Variants in MAF observed in about 807,000 individuals in gnomAD.
MAF encodes the protein transcription factor Maf.
Under a neutral mutation model 22.0 loss-of-function variants are expected in MAF, and 10 were observed. That is an observed-to-expected ratio of 0.45 (90% CI 0.28 to 0.77). The LOEUF (loss-of-function observed/expected upper bound fraction) is 0.77. MAF is among the 30% of genes least tolerant of loss of function. The probability of loss-of-function intolerance (pLI) is 0.12; values close to 1 mark genes in which losing one functional copy is unlikely to be tolerated. For missense variants in MAF, 544 were observed against 548.4 expected, an observed-to-expected ratio of 0.99 and a Z score of 0.08; for synonymous variants, 337 against 255.8, an observed-to-expected ratio of 1.32 and a Z score of -3.03.
At chr16:79,545,504 C>G in the MAF span, among the ~76,000 whole-genome samples, 1 of 146,294 alleles carries the variant, frequency 6.8e-6, no homozygotes, top group South Asian at 2.3e-4. Context: ...ATGCAGAATT[C>G]CAGTTTTTCA....
At chr16:79,210,891 A>T in the MAF span, among the ~76,000 whole-genome samples, 88 of 152,318 alleles carry the variant, frequency 5.8e-4, no homozygotes, top group Non-Finnish European at 1.1e-3. Context: ...TACATTTTGA[A>T]GTGGGCTGGG....
the MAF span, chr16:79,203,506 T>G: frequency 6.6e-6 from 1 of 151,920 alleles, no homozygotes; most frequent in East Asian, 1.9e-4. Flanking sequence ...TTTTTTTTTT[T>G]TTTTTTCTTC....
At chr16:79,479,256 G>C in the MAF span, among the ~76,000 whole-genome samples, 14 of 152,166 alleles carry the variant, frequency 9.2e-5, no homozygotes, top group African/African-American at 3.4e-4. Flanking sequence ...TCATACCTTT[G>C]TACCATCATA....
At chr16:79,435,170 G>A in the MAF span, among the ~76,000 whole-genome samples, 2 of 151,996 alleles carry the variant, frequency 1.3e-5, no homozygotes, top group East Asian at 1.9e-4. Flanking sequence ...ACCTATGCAC[G>A]GACACACGTC....
chr16:79,214,835 A>G, the MAF span, among the ~76,000 whole-genome samples: 1 of 144,908 alleles, frequency 6.9e-6, no homozygotes, highest in Non-Finnish European at 1.5e-5. Flanking sequence ...CCCATCCTTC[A>G]GAGTAGCTGG....
the MAF span, among the ~76,000 whole-genome samples, chr16:79,480,444 G>C: frequency 3.3e-5 from 5 of 152,046 alleles, no homozygotes; most frequent in Admixed American, 2.6e-4. Flanking sequence ...AGGGAAGAAG[G>C]GGCAAAGAAG....
the MAF span, among the ~76,000 whole-genome samples, chr16:79,216,811 CTT>C: frequency 9.9e-5 from 14 of 140,864 alleles, no homozygotes; most frequent in East Asian, 2.1e-4. Flanking sequence ...CTATCTGCTA[CTT>C]TTTTTTTTTT....
chr16:79,460,676 C>T, the MAF span, among the ~76,000 whole-genome samples: 27 of 152,260 alleles, frequency 1.8e-4, no homozygotes, highest in Middle Eastern at 3.4e-3. Flanking sequence ...TCCTTGGAAT[C>T]TACAGTTTAA....
At chr16:79,219,383 A>T in the MAF span, among the ~76,000 whole-genome samples, 6 of 151,924 alleles carry the variant, frequency 3.9e-5, no homozygotes, top group Non-Finnish European at 8.8e-5. Context: ...TTTAAGACTC[A>T]CAGCTTTTGT....
At position 79,598,887 on chromosome 16, in the gene MAF, C is replaced by A. The variant is rs1252947227; in HGVS notation, c.1016G>T (p.Arg339Leu). 2 of 1,613,800 alleles carry A rather than the reference C, an allele frequency of 1.2e-6. No individual in the cohort carries two copies. Among genetic ancestry groups the A allele is most frequent in the Non-Finnish European group, 1.7e-6 (2 of 1,179,992 alleles). ...TTTCTCCTTGTACGCGTCCCTCTCGCGCACCAGCCTGGAGATCTCCTGCTT... is the reference window on the plus strand; with the variant it reads ...TTTCTCCTTGTACGCGTCCCTCTCGAGCACCAGCCTGGAGATCTCCTGCTT... ...HLKQEISRLV[R>L]ERDAYKEKYE... Residue 339 changes from arginine to leucine, a missense_variant, in exon 1 of 2, where the codon CGC becomes CTC. By Grantham distance (102) the Arg-to-Leu change is moderately radical. Transcript: ENST00000326043.
chr16:79,224,828 G>A, the MAF span, among the ~76,000 whole-genome samples: 2 of 152,234 alleles, frequency 1.3e-5, no homozygotes, highest in East Asian at 3.9e-4. Context: ...CCTCTTCAAG[G>A]AGAACTACAA....
chr16:79,391,032 G>T, the MAF span, among the ~76,000 whole-genome samples: 1 of 152,154 alleles, frequency 6.6e-6, no homozygotes, highest in Non-Finnish European at 1.5e-5. Context: ...CACTGCCAGG[G>T]TCCACTGCTG....
the MAF span, among the ~76,000 whole-genome samples, chr16:79,462,083 G>A: frequency 5.3e-5 from 8 of 151,994 alleles, no homozygotes; most frequent in Non-Finnish European, 1.0e-4. Flanking sequence ...GCCTCCCCTC[G>A]CCTATCTGGG....
chr16:79,567,516 A>T, the MAF span, among the ~76,000 whole-genome samples: 2 of 152,226 alleles, frequency 1.3e-5, no homozygotes, highest in Admixed American at 6.5e-5. Flanking sequence ...AAAAAAAGTA[A>T]GTAAAAAAAA....
At chr16:79,380,295 C>G in the MAF span, among the ~76,000 whole-genome samples, 2 of 152,112 alleles carry the variant, frequency 1.3e-5, no homozygotes, top group African/African-American at 4.8e-5. Flanking sequence ...ATGTATAAGA[C>G]AAAATAATAC....
the MAF span, among the ~76,000 whole-genome samples, chr16:79,548,074 G>C: frequency 6.6e-6 from 1 of 152,166 alleles, no homozygotes; most frequent in Non-Finnish European, 1.5e-5. Context: ...GTTTGATATA[G>C]TGGTTGTTTT....
At chr16:79,334,838 AGTGTGTGTGTGTGTGTGTGTGTGTAT>A in the MAF span, among the ~76,000 whole-genome samples, 9 of 147,132 alleles carry the variant, frequency 6.1e-5, no homozygotes, top group African/African-American at 2.0e-4. Context: ...ACGTCAATAA[AGTGTGTGTGTGTGTGTGTGTGTGTAT>A]GTGTGTGTGT....
chr16:79,212,197 C>T, the MAF span: 1 of 1,458,258 alleles, frequency 6.9e-7, no homozygotes, highest in Non-Finnish European at 9.0e-7. Flanking sequence ...TGGCCTTCTC[C>T]TACTTAGGGA....
chr16:79,492,533 C>G, the MAF span, among the ~76,000 whole-genome samples: 1 of 151,884 alleles, frequency 6.6e-6, no homozygotes, highest in Non-Finnish European at 1.5e-5. Context: ...GGTCTAAACC[C>G]AACAGAAATG....
Sources: gnomAD v4.1 joint callset for allele counts (sites outside exome capture counted in the v4.1 genomes callset) on GRCh38, gnomAD v4.1.1 for gene constraint, MANE v1.5 for transcripts, NCBI Gene and HGNC (gene_info 2026-07-23, HGNC 2026-07-21) for gene names.